MMP26: variants seen among roughly 807,000 people sequenced by gnomAD.
The protein encoded by MMP26 is matrix metallopeptidase 26.
A neutral mutation model predicts 31.0 loss-of-function variants in MMP26; 33 were observed. The observed-to-expected ratio is 1.06, with a 90% confidence interval of 0.81 to 1.42. The LOEUF is 1.42. Among genes scored for constraint, MMP26 ranks in the 40% most tolerant of loss-of-function variants. The pLI, the probability that MMP26 is intolerant of heterozygous loss-of-function variation, is 0.00. For synonymous variants in MMP26, 122 were observed against 114.9 expected, an observed-to-expected ratio of 1.06 and a Z score of -0.40; for missense variants, 347 against 316.1, an observed-to-expected ratio of 1.10 and a Z score of -0.74.
intron 2 of MMP26, chr11:4,794,794 C>A (rs939492977): frequency 2.6e-5 from 4 of 152,150 alleles, no homozygotes; most frequent in African/African-American, 9.6e-5. Context: ...CCTGTTCTTC[C>A]ATAGTTTGCA....
chr11:4,984,577 A>G (rs1339595238), intron 2 of MMP26, among the ~76,000 whole-genome samples: 1 of 152,168 alleles, frequency 6.6e-6, no homozygotes, highest in East Asian at 1.9e-4. Flanking sequence ...TCCAAGTTCC[A>G]AAGTCTGTGC....
chr11:4,776,380 C>T (rs1252413045), intron 2 of MMP26, among the ~76,000 whole-genome samples: 1 of 151,904 alleles, frequency 6.6e-6, no homozygotes, highest in Non-Finnish European at 1.5e-5. Context: ...TACCGTTTTC[C>T]ATAGAGATTG....
intron 2 of MMP26, chr11:4,769,081 A>C (rs1474013910): frequency 6.3e-7 from 1 of 1,580,210 alleles, no homozygotes; most frequent in African/African-American, 1.3e-5. Flanking sequence ...GGTATACATT[A>C]GCCATCACTG....
chr11:4,903,496 TTAACTA>T (rs1290719469), intron 2 of MMP26, among the ~76,000 whole-genome samples: 1 of 152,116 alleles, frequency 6.6e-6, no homozygotes, highest in African/African-American at 2.4e-5. Flanking sequence ...ACATGTTATT[TTAACTA>T]TATTTTCCAA....
chr11:4,968,940 A>G (rs1589821180), intron 2 of MMP26, among the ~76,000 whole-genome samples: 1 of 152,042 alleles, frequency 6.6e-6, no homozygotes, highest in South Asian at 2.1e-4. Context: ...TTCCTAAACA[A>G]CATCATATCT....
intron 2 of MMP26, among the ~76,000 whole-genome samples, chr11:4,899,366 A>G (rs1850768746): frequency 6.6e-6 from 1 of 152,212 alleles, no homozygotes; most frequent in Non-Finnish European, 1.5e-5. Flanking sequence ...GAACTACAAC[A>G]TACATCACTT....
chr11:4,748,576 C>CAA (rs376553434), intron 1 of MMP26, among the ~76,000 whole-genome samples: 13,214 of 122,450 alleles, frequency 0.11, 664 homozygotes, highest in African/African-American at 0.14. Flanking sequence ...AACAGCACAT[C>CAA]AAAAAAAAAA....
intron 1 of MMP26, among the ~76,000 whole-genome samples, chr11:4,739,228 T>C (rs1848281365): frequency 6.6e-6 from 1 of 152,198 alleles, no homozygotes; most frequent in African/African-American, 2.4e-5. Context: ...CTCAGGACAG[T>C]AGGCTTTCAA....
chr11:4,957,696 T>C (rs1846463238), intron 2 of MMP26, among the ~76,000 whole-genome samples: 1 of 152,064 alleles, frequency 6.6e-6, no homozygotes, highest in Admixed American at 6.5e-5. Context: ...TTTCTTTTTT[T>C]TTTGGAGATA....
intron 2 of MMP26, among the ~76,000 whole-genome samples, chr11:4,917,166 T>C (rs34851961): frequency 0.089 from 13,500 of 152,148 alleles, 804 homozygotes; most frequent in Non-Finnish European, 0.12. Flanking sequence ...TTTGCATGAA[T>C]AAGTTATTTT....
At chr11:4,878,642 T>C (rs1850417269) in intron 2 of MMP26, among the ~76,000 whole-genome samples, 1 of 152,172 alleles carries the variant, frequency 6.6e-6, no homozygotes. Context: ...TTAGACCATA[T>C]GGTGACACTT....
At chr11:4,891,139 T>A (rs1850615356) in intron 2 of MMP26, among the ~76,000 whole-genome samples, 2 of 152,014 alleles carry the variant, frequency 1.3e-5, no homozygotes, top group South Asian at 4.1e-4. Context: ...TCAGGCAAGG[T>A]GTGACAGGCT....
intron 1 of MMP26, among the ~76,000 whole-genome samples, chr11:4,706,959 T>C (rs1329095121): frequency 2.0e-5 from 3 of 152,250 alleles, no homozygotes; most frequent in Admixed American, 1.3e-4. Context: ...TGTCTTGTGC[T>C]TTCTTTATGC....
chr11:4,814,182 G>A lies in MMP26; in HGVS notation c.-145+46841G>A, dbSNP rs536634604. On this transcript the variant is annotated intron_variant, in intron 2 of 7. Coordinates refer to ENST00000380390, the MANE Select transcript of MMP26 (RefSeq NM_021801.5). ...TGAGGAGCAATTGGAGCACTCATAA[G>A]TTGAATCTCTTGCAATTTCTAGTAA... Among the ~76,000 whole-genome samples the A allele has an allele frequency of 7.4e-4, 112 of 152,286 alleles. 1 individual carries two copies. Among genetic ancestry groups the A allele is most frequent in the Admixed American group, 3.0e-3 (46 of 15,300 alleles).
chr11:4,940,863 G>T (rs1846196406), intron 2 of MMP26, among the ~76,000 whole-genome samples: 2 of 152,246 alleles, frequency 1.3e-5, no homozygotes, highest in South Asian at 4.2e-4. Flanking sequence ...AGATCAGCTA[G>T]TTGTTTTAGC....
chr11:4,738,543 G>C (rs1169510218), intron 1 of MMP26, among the ~76,000 whole-genome samples: 1 of 152,160 alleles, frequency 6.6e-6, no homozygotes, highest in Non-Finnish European at 1.5e-5. Flanking sequence ...GATTTTATGA[G>C]CAGTTCTTGT....
At chr11:4,942,886 A>T (rs1384902908) in intron 2 of MMP26, 3 of 152,230 alleles carry the variant, frequency 2.0e-5, no homozygotes, top group Non-Finnish European at 1.5e-5. Context: ...GATTGGGTTG[A>T]TTGTACACAA....
intron 2 of MMP26, chr11:4,822,461 C>T: frequency 2.3e-6 from 3 of 1,287,100 alleles, no homozygotes; most frequent in East Asian, 2.7e-5. Context: ...CCACACATGC[C>T]TCCAACAGTC....
At chr11:4,930,257 C>T (rs187829226) in intron 2 of MMP26, among the ~76,000 whole-genome samples, 200 of 152,104 alleles carry the variant, frequency 1.3e-3, no homozygotes, top group Non-Finnish European at 1.0e-3. Flanking sequence ...GTGTAATAGA[C>T]GTAAAGATGT....
Sources: allele counts gnomAD v4.1 joint callset (sites outside exome capture counted in the v4.1 genomes callset), GRCh38; gene constraint gnomAD v4.1.1; transcripts MANE v1.5; gene names NCBI Gene and HGNC (gene_info 2026-07-23, HGNC 2026-07-21).